Variants in GARIN1B observed in about 807,000 individuals in gnomAD.
GARIN1B encodes the protein Golgi-associated RAB2 interactor protein 1B.
chr7:128,714,054 C>G, the GARIN1B span: 1 of 1,535,442 alleles, frequency 6.5e-7, no homozygotes, highest in Non-Finnish European at 8.7e-7. Flanking sequence ...AGTTGGTTTA[C>G]TGAGCCAGGA....
chr7:128,714,057 A>G, the GARIN1B span: 1 of 1,535,666 alleles, frequency 6.5e-7, no homozygotes, highest in South Asian at 1.2e-5. Flanking sequence ...TGGTTTACTG[A>G]GCCAGGAGCT....
the GARIN1B span, among the ~76,000 whole-genome samples, chr7:128,722,175 A>G: frequency 1.3e-5 from 2 of 152,230 alleles, no homozygotes; most frequent in Non-Finnish European, 2.9e-5. Context: ...TTCATGAAGC[A>G]TTGCTATTAC....
chr7:128,710,249 A>G, the GARIN1B span, among the ~76,000 whole-genome samples: 2 of 152,214 alleles, frequency 1.3e-5, no homozygotes, highest in Admixed American at 1.3e-4. Context: ...AGTAACACTT[A>G]GCTAGTGCAT....
the GARIN1B span, chr7:128,716,992 G>A: frequency 1.2e-6 from 2 of 1,608,812 alleles, no homozygotes; most frequent in Non-Finnish European, 1.7e-6. Flanking sequence ...ACATCTTCCT[G>A]AAGAGGTGAG....
chr7:128,729,891 A>T, the GARIN1B span: 2 of 1,610,850 alleles, frequency 1.2e-6, no homozygotes, highest in Admixed American at 3.3e-5. Context: ...GCATTTCTTT[A>T]CTTGATCTAG....
At chr7:128,727,378 G>A in the GARIN1B span, among the ~76,000 whole-genome samples, 1 of 152,348 alleles carries the variant, frequency 6.6e-6, no homozygotes, top group Non-Finnish European at 1.5e-5. Context: ...AAAGAAGGGG[G>A]TCCCTCATTC....
the GARIN1B span, among the ~76,000 whole-genome samples, chr7:128,729,364 C>T: frequency 6.6e-6 from 1 of 152,314 alleles, no homozygotes; most frequent in East Asian, 1.9e-4. Flanking sequence ...TCCAAACAGT[C>T]CCCCATAGAT....
At chr7:128,724,403 A>T in the GARIN1B span, among the ~76,000 whole-genome samples, 3 of 152,238 alleles carry the variant, frequency 2.0e-5, no homozygotes, top group South Asian at 6.2e-4. Context: ...GGATTTACTT[A>T]CCTACTCACC....
the GARIN1B span, chr7:128,719,179 A>T: frequency 7.8e-7 from 1 of 1,279,942 alleles, no homozygotes; most frequent in Non-Finnish European, 1.1e-6. Flanking sequence ...AGGTGATCTC[A>T]GTGTGAGGCC....
At chr7:128,709,742 C>G in the GARIN1B span, among the ~76,000 whole-genome samples, 3 of 19,340 alleles carry the variant, frequency 1.6e-4, no homozygotes, top group African/African-American at 3.6e-4. Flanking sequence ...CTCTCTCTCT[C>G]TCTCTCTCTT....
the GARIN1B span, chr7:128,716,797 G>T: frequency 6.3e-7 from 1 of 1,590,858 alleles, no homozygotes; most frequent in Non-Finnish European, 8.6e-7. Flanking sequence ...GGTTGTGCCT[G>T]GGGGCTGTGT....
the GARIN1B span, chr7:128,729,800 T>C: frequency 8.1e-7 from 1 of 1,238,138 alleles, no homozygotes; most frequent in Non-Finnish European, 1.2e-6. Context: ...TTGTTTGGAA[T>C]GGTGCCTGGC....
the GARIN1B span, among the ~76,000 whole-genome samples, chr7:128,724,274 G>A: frequency 1.3e-5 from 2 of 152,324 alleles, no homozygotes; most frequent in Admixed American, 1.3e-4. Context: ...GCCTCCCAAA[G>A]TGCCAGGACT....
the GARIN1B span, among the ~76,000 whole-genome samples, chr7:128,713,169 T>C: frequency 4.6e-5 from 7 of 152,090 alleles, no homozygotes; most frequent in Admixed American, 6.6e-5. Context: ...TAGCCAGGCA[T>C]GGTGCTGCAC....
chr7:128,731,302 C>A, the GARIN1B span: 1 of 653,394 alleles, frequency 1.5e-6, no homozygotes, highest in South Asian at 1.7e-5. Flanking sequence ...TGCACCTCGG[C>A]ATATGCCACC....
the GARIN1B span, among the ~76,000 whole-genome samples, chr7:128,712,100 T>G: frequency 6.6e-6 from 1 of 152,158 alleles, no homozygotes; most frequent in Non-Finnish European, 1.5e-5. Context: ...CTACAAAGCT[T>G]TGCACTGCTT....
chr7:128,728,306 A>G, the GARIN1B span, among the ~76,000 whole-genome samples: 316 of 152,082 alleles, frequency 2.1e-3, 3 homozygotes, highest in African/African-American at 7.3e-3. Flanking sequence ...GCTGGGCATG[A>G]TGGTGCGTAC....
the GARIN1B span, among the ~76,000 whole-genome samples, chr7:128,714,744 C>T: frequency 1.3e-5 from 2 of 152,118 alleles, no homozygotes; most frequent in African/African-American, 4.8e-5. Context: ...TGTCACTCTC[C>T]AAGAGGGGGA....
the GARIN1B span, among the ~76,000 whole-genome samples, chr7:128,718,447 A>AG: frequency 0.021 from 3,243 of 151,416 alleles, 49 homozygotes; most frequent in South Asian, 0.049. Context: ...AAAAAAAAAA[A>AG]AAAGAAAGAA....
Sources: gnomAD v4.1 joint callset for allele counts (sites outside exome capture counted in the v4.1 genomes callset) on GRCh38, gnomAD v4.1.1 for gene constraint, MANE v1.5 for transcripts, NCBI Gene and HGNC (gene_info 2026-07-23, HGNC 2026-07-21) for gene names.